Variants in KTN1 observed in about 807,000 individuals in gnomAD.
KTN1 encodes the protein kinectin 1, also known as kinectin.
A neutral mutation model predicts 222.5 loss-of-function variants in KTN1; 130 were observed. That is an observed-to-expected ratio of 0.58 (90% CI 0.51 to 0.68). KTN1 has a LOEUF of 0.68. Ranked by LOEUF, KTN1 falls within the 30% of genes least tolerant of loss-of-function variation. KTN1 has a pLI of 0.00. For synonymous variants in KTN1, 512 were observed against 496.3 expected, an observed-to-expected ratio of 1.03 and a Z score of -0.42; for missense variants, 1,508 against 1,500.4, an observed-to-expected ratio of 1.01 and a Z score of -0.08.
chr14:55,599,956 G>C (rs1399441532), intron 1 of KTN1, among the ~76,000 whole-genome samples: 2 of 151,928 alleles, frequency 1.3e-5, no homozygotes, highest in East Asian at 3.9e-4. Flanking sequence ...AACTTTTTGT[G>C]TGTATATGGG....
intron 1 of KTN1, among the ~76,000 whole-genome samples, chr14:55,590,739 G>A (rs900075210): frequency 8.6e-5 from 13 of 151,446 alleles, no homozygotes; most frequent in African/African-American, 3.2e-4. Context: ...GCAGTGGCGC[G>A]ATCTTGGCTG....
intron 43 of KTN1, chr14:55,683,005 G>GT (rs2046504125): frequency 6.6e-6 from 1 of 152,076 alleles, no homozygotes; most frequent in Non-Finnish European, 1.5e-5. Context: ...TGTACTCTCT[G>GT]TACTCCCTTT....
In KTN1 at chr14:55,650,499, C is replaced by G. The variant is rs551597483; in HGVS notation, c.2497-70C>G. On this transcript the variant is annotated intron_variant, in intron 23 of 43. Transcript: ENST00000395314. ...ATCATTTAATTTCGTGTGTTTTTGT[C>G]TGTGCATTGCATTTTATGTCAATTT... 9 of 1,493,658 alleles carry G rather than the reference C, an allele frequency of 6.0e-6. No homozygotes were observed. The South Asian group carries it at 9.3e-5, about 15-fold the overall frequency. 92.5% of individuals were successfully genotyped at this position (1,493,658 alleles called of 1,614,324 possible). A position where few individuals can be genotyped will look rare whatever the true frequency, so the allele number is the denominator to read the frequency against.
intron 13 of KTN1, 45 bp from the exon 14 acceptor site, chr14:55,639,868 A>T (rs761339301): frequency 1.2e-5 from 14 of 1,201,312 alleles, no homozygotes; most frequent in South Asian, 1.1e-4. Flanking sequence ...TTGATTTGTG[A>T]CTTCTGAATG....
intron 2 of KTN1, among the ~76,000 whole-genome samples, chr14:55,615,483 CTT>C (rs2038216136): frequency 6.7e-6 from 1 of 149,502 alleles, no homozygotes; most frequent in South Asian, 2.1e-4. Flanking sequence ...CGATATTTAT[CTT>C]TTTGTCACTG....
At chr14:55,656,834 A>T (rs983374684) in intron 29 of KTN1, among the ~76,000 whole-genome samples, 2 of 152,174 alleles carry the variant, frequency 1.3e-5, no homozygotes, top group Non-Finnish European at 2.9e-5. Flanking sequence ...TTTTCTGCAC[A>T]AACAGTGCAG....
At chr14:55,599,101 T>C (rs946590992) in intron 1 of KTN1, among the ~76,000 whole-genome samples, 2 of 152,220 alleles carry the variant, frequency 1.3e-5, no homozygotes, top group Admixed American at 6.5e-5. Flanking sequence ...ATTTAGCTTT[T>C]AATTGCTGGG....
intron 4 of KTN1, among the ~76,000 whole-genome samples, chr14:55,618,718 A>G (rs1219193002): frequency 6.6e-6 from 1 of 152,118 alleles, no homozygotes; most frequent in Non-Finnish European, 1.5e-5. Flanking sequence ...CATATATTTG[A>G]TCTTCATAGA....
At chr14:55,599,225 A>G (rs1300792604) in intron 1 of KTN1, among the ~76,000 whole-genome samples, 1 of 151,892 alleles carries the variant, frequency 6.6e-6, no homozygotes, top group South Asian at 2.1e-4. Flanking sequence ...TATAACTCTC[A>G]TGGCTGAAAT....
chr14:55,631,133 A>G (rs1342374793), intron 7 of KTN1, among the ~76,000 whole-genome samples: 1 of 151,818 alleles, frequency 6.6e-6, no homozygotes. Flanking sequence ...AAAGATTGAA[A>G]TATCTTTATT....
At chr14:55,621,910 G>A (rs952314179) in intron 5 of KTN1, among the ~76,000 whole-genome samples, 3 of 146,876 alleles carry the variant, frequency 2.0e-5, no homozygotes, top group African/African-American at 5.1e-5. Flanking sequence ...GTGCAGTGGC[G>A]TGATCTCGGC....
At chr14:55,680,024 C>T (rs1219786098) in intron 43 of KTN1, 1 of 205,688 alleles carries the variant, frequency 4.9e-6, no homozygotes, top group Non-Finnish European at 9.6e-6. Flanking sequence ...TATCTGTGAC[C>T]TTTTCTCCCC....
At chr14:55,612,734 A>G (rs2037770841) in intron 2 of KTN1, among the ~76,000 whole-genome samples, 163 bp downstream of exon 2, 1 of 152,148 alleles carries the variant, frequency 6.6e-6, no homozygotes, top group South Asian at 2.1e-4. Context: ...GCTGGTAGAA[A>G]TTAGTATTGA....
chr14:55,659,775 G>A, intron 31 of KTN1, 72 bp downstream of exon 31: 2 of 875,042 alleles, frequency 2.3e-6, no homozygotes, highest in East Asian at 2.5e-5. Context: ...TCTCAAATAA[G>A]CAATTTAGTG....
chr14:55,680,404 A>G (rs1351653486), intron 43 of KTN1: 1 of 138,436 alleles, frequency 7.2e-6, no homozygotes, highest in Non-Finnish European at 1.6e-5. Flanking sequence ...CCTGGATTTT[A>G]CCTGTTTTAT....
At chr14:55,606,279 G>A (rs760236182) in intron 1 of KTN1, among the ~76,000 whole-genome samples, 16 of 152,078 alleles carry the variant, frequency 1.1e-4, no homozygotes, top group Admixed American at 5.2e-4. Context: ...GATTTATACT[G>A]GAATTTTTAT....
At chr14:55,581,317 G>A (rs966690549) in intron 1 of KTN1, among the ~76,000 whole-genome samples, 1 of 152,244 alleles carries the variant, frequency 6.6e-6, no homozygotes, top group African/African-American at 2.4e-5. Flanking sequence ...GCTGTTCAGT[G>A]TTGGCCCTTC....
intron 2 of KTN1, among the ~76,000 whole-genome samples, chr14:55,614,410 C>T (rs545726713): frequency 4.6e-5 from 7 of 152,148 alleles, no homozygotes; most frequent in East Asian, 1.9e-4. Flanking sequence ...AAGAATGACA[C>T]GAATAACCTC....
chr14:55,644,559 ACTT>A (rs763177592), intron 18 of KTN1: 3 of 409,930 alleles, frequency 7.3e-6, no homozygotes, highest in Admixed American at 4.3e-5. Flanking sequence ...TCAGAATAAG[ACTT>A]TTTTTTTTTT....
Sources: allele counts gnomAD v4.1 joint callset (sites outside exome capture counted in the v4.1 genomes callset), GRCh38; gene constraint gnomAD v4.1.1; transcripts MANE v1.5; gene names NCBI Gene and HGNC (gene_info 2026-07-23, HGNC 2026-07-21).